The following DNAH3 variants were observed in gnomAD, a reference collection of about 807,000 sequenced individuals.
The protein encoded by DNAH3 is dynein axonemal heavy chain 3, also known as axonemal beta dynein heavy chain 3.
A neutral mutation model predicts 432.5 loss-of-function variants in DNAH3; 332 were observed. The observed-to-expected ratio is 0.77, with a 90% CI of 0.70 to 0.84. DNAH3 has a LOEUF of 0.84. DNAH3 is among the 40% of genes least tolerant of loss of function. The pLI, the probability that DNAH3 is intolerant of heterozygous loss-of-function variation, is 0.00. For synonymous variants in DNAH3, 1,956 were observed against 1,900.2 expected (o/e 1.03, Z -0.76); for missense variants, 4,861 against 5,114.0 (o/e 0.95, Z 1.51).
chr16:20,967,234 C>G (rs1164629020), intron 52 of DNAH3, among the ~76,000 whole-genome samples: 1 of 152,118 alleles, frequency 6.6e-6, no homozygotes, highest in African/African-American at 2.4e-5. Flanking sequence ...CTCTTTTGCT[C>G]CATCTCAATA....
At chr16:21,130,134 C>T (rs1037744176) in intron 7 of DNAH3, 4 of 149,782 alleles carry the variant, frequency 2.7e-5, no homozygotes, top group Non-Finnish European at 4.4e-5. Context: ...GTTTGGAAGC[C>T]AAGAGACAGA....
At chr16:20,965,292 G>T (rs148577594) in exon 53 of DNAH3, 2 of 1,613,500 alleles carry the variant, frequency 1.2e-6, no homozygotes, top group Non-Finnish European at 1.7e-6. Context: ...CCGGGTGATT[G>T]ATAAACCTTT....
At chr16:21,039,122 A>C (rs1019818552) in intron 33 of DNAH3, among the ~76,000 whole-genome samples, 8 of 152,032 alleles carry the variant, frequency 5.3e-5, no homozygotes, top group Admixed American at 3.3e-4. Flanking sequence ...TACTTGAATG[A>C]GATATAACCT....
intron 14 of DNAH3, among the ~76,000 whole-genome samples, chr16:21,109,542 G>T (rs2092022724): frequency 6.6e-6 from 1 of 152,078 alleles, no homozygotes; most frequent in African/African-American, 2.4e-5. Context: ...ACACATATAT[G>T]AATAATACAG....
At chr16:21,041,113 G>A (rs889791998) in intron 32 of DNAH3, among the ~76,000 whole-genome samples, 1 of 152,166 alleles carries the variant, frequency 6.6e-6, no homozygotes, top group African/African-American at 2.4e-5. Flanking sequence ...GCTCACACCT[G>A]TAATCCCAGT....
chr16:21,086,349 A>G (rs146536459), intron 19 of DNAH3, among the ~76,000 whole-genome samples: 1 of 152,366 alleles, frequency 6.6e-6, no homozygotes, highest in African/African-American at 2.4e-5. Flanking sequence ...GGGCTGAAAG[A>G]GGAGTGCAAA....
At chr16:21,036,870 A>C (rs542817189) in intron 34 of DNAH3, 22 bp from the exon 35 acceptor site, 71 of 1,587,550 alleles carry the variant, frequency 4.5e-5, no homozygotes, top group Admixed American at 3.9e-4. Flanking sequence ...AATTTAAAAG[A>C]AAGTGGAAAG....
At chr16:21,134,159 T>C in intron 7 of DNAH3, 100 bp downstream of exon 8, 2 of 1,186,800 alleles carry the variant, frequency 1.7e-6, no homozygotes, top group Non-Finnish European at 2.3e-6. Flanking sequence ...CATTTCTCTA[T>C]GCTGTCAGGG....
At chr16:20,935,595 G>T in intron 60 of DNAH3, 110 bp from the exon 61 acceptor site, 1 of 1,212,238 alleles carries the variant, frequency 8.2e-7, no homozygotes, top group Non-Finnish European at 1.1e-6. Flanking sequence ...TATTTTTCTT[G>T]AAACAGCCCT....
At chr16:21,152,863 C>T (rs768026239) in intron 1 of DNAH3, among the ~76,000 whole-genome samples, 12 of 152,262 alleles carry the variant, frequency 7.9e-5, no homozygotes, top group Non-Finnish European at 1.5e-4. Context: ...TGCAGCCCGC[C>T]ATGCCTGAGC....
chr16:21,104,772 G>A (rs1433160334), intron 15 of DNAH3, among the ~76,000 whole-genome samples, 178 bp from the exon 16 acceptor site: 1 of 152,206 alleles, frequency 6.6e-6, no homozygotes, highest in Non-Finnish European at 1.5e-5. Context: ...CTAGAAGGTA[G>A]ATGATATTAT....
intron 26 of DNAH3, among the ~76,000 whole-genome samples, chr16:21,059,272 A>G (rs756999997): frequency 2.6e-5 from 4 of 152,226 alleles, no homozygotes; most frequent in Non-Finnish European, 4.4e-5. Context: ...AAAATTTGAT[A>G]GATTTGATTT....
At chr16:21,134,432 T>C (rs1005720746) in exon 7 of DNAH3, 2 of 1,614,042 alleles carry the variant, frequency 1.2e-6, no homozygotes, top group East Asian at 2.2e-5. Context: ...TTCTCTCCAT[T>C]GGGTCCATGA....
At chr16:21,068,894 T>C (rs59778472) in intron 23 of DNAH3, among the ~76,000 whole-genome samples, 3,568 of 152,178 alleles carry the variant, frequency 0.023, 144 homozygotes, top group African/African-American at 0.08. Context: ...AGGCTTCTGC[T>C]TTCTATGTTA....
chr16:21,082,635 G>C (rs2091228832), intron 19 of DNAH3, among the ~76,000 whole-genome samples: 1 of 152,004 alleles, frequency 6.6e-6, no homozygotes, highest in Non-Finnish European at 1.5e-5. Flanking sequence ...TTCAAGACCA[G>C]CCTGTCAAAC....
intron 50 of DNAH3, among the ~76,000 whole-genome samples, chr16:20,975,898 C>T (rs1484193763): frequency 6.6e-6 from 1 of 152,070 alleles, no homozygotes; most frequent in Non-Finnish European, 1.5e-5. Flanking sequence ...TCACACACCA[C>T]CACGCCTGGC....
Position 20,948,638 on chromosome 16 carries a change from C to T in DNAH3, c.11189-1G>A. On this transcript the variant is annotated splice_acceptor_variant, in intron 56 of 61. Coordinates refer to ENST00000261383, the Ensembl canonical transcript of DNAH3. LOFTEE classifies it high-confidence loss of function. ...ACTCTGCCTCCGTAATTACATTCCCCTGGGGACAACCAACAGAAGGAGAGG... is the reference window on the plus strand; with the variant it reads ...ACTCTGCCTCCGTAATTACATTCCCTTGGGGACAACCAACAGAAGGAGAGG... 1.2e-6 allele frequency: 2 copies of T among 1,614,088 alleles called. No homozygotes were observed.
intron 57 of DNAH3, among the ~76,000 whole-genome samples, chr16:20,947,826 G>T (rs1233710762): frequency 1.3e-5 from 2 of 152,028 alleles, no homozygotes; most frequent in Non-Finnish European, 2.9e-5. Context: ...ACTCAGGCTG[G>T]AGTGCAGTGG....
chr16:21,062,554 T>A, exon 25 of DNAH3: 1 of 1,614,194 alleles, frequency 6.2e-7, no homozygotes, highest in Non-Finnish European at 8.5e-7. Flanking sequence ...TGCCCACAAT[T>A]TCCAGATTGT....
Sources: allele counts gnomAD v4.1 joint callset (sites outside exome capture counted in the v4.1 genomes callset), GRCh38; gene constraint gnomAD v4.1.1; transcripts MANE v1.5; gene names NCBI Gene and HGNC (gene_info 2026-07-23, HGNC 2026-07-21).